Variants in AFF1 observed in about 807,000 individuals in gnomAD.
AFF1 encodes AF4/FMR2 family member 1.
AFF1 carries 48 observed loss-of-function variants against 121.7 expected under a neutral mutation model. The ratio of observed to expected loss-of-function variants is 0.39; its 90% confidence interval spans 0.31 to 0.50. The LOEUF (loss-of-function observed/expected upper bound fraction) is 0.50, where lower values mean the gene tolerates loss of function less well. Ranked by LOEUF, AFF1 falls within the 20% of genes least tolerant of loss-of-function variation. AFF1 has a pLI of 0.76. For missense variants in AFF1, 1,523 were observed against 1,511.7 expected (o/e 1.01, Z -0.12); for synonymous variants, 613 against 563.0 (o/e 1.09, Z -1.26).
At chr4:86,951,596 T>C (rs1721311835) in intron 2 of AFF1, among the ~76,000 whole-genome samples, 1 of 145,914 alleles carries the variant, frequency 6.9e-6, no homozygotes, top group African/African-American at 2.6e-5. Flanking sequence ...TAGGGAACTT[T>C]TTTTTCTTTT....
chr4:86,979,015 A>G (rs933084350), intron 2 of AFF1, among the ~76,000 whole-genome samples: 1 of 152,162 alleles, frequency 6.6e-6, no homozygotes, highest in Non-Finnish European at 1.5e-5. Flanking sequence ...AGTGTTCCCC[A>G]TTGAAAGTTT....
At chr4:86,946,733 T>C (rs1560493564) in intron 1 of AFF1, among the ~76,000 whole-genome samples, 1 of 152,090 alleles carries the variant, frequency 6.6e-6, no homozygotes, top group African/African-American at 2.4e-5. Context: ...TCAGGATACA[T>C]TTGTTGGTTC....
chr4:86,951,097 A>G (rs1029061717), intron 2 of AFF1, among the ~76,000 whole-genome samples: 8 of 152,350 alleles, frequency 5.3e-5, no homozygotes, highest in East Asian at 1.9e-4. Context: ...TTACATAACA[A>G]TCTTCTATCT....
At chr4:86,951,066 G>A (rs576706205) in intron 2 of AFF1, among the ~76,000 whole-genome samples, 1 of 152,164 alleles carries the variant, frequency 6.6e-6, no homozygotes, top group African/African-American at 2.4e-5. Context: ...AATTCTGAAA[G>A]AAATTATCTG....
chr4:87,047,855 T>G (rs113272992), intron 4 of AFF1: 10 of 551,722 alleles, frequency 1.8e-5, no homozygotes, highest in African/African-American at 1.3e-4. Flanking sequence ...CAGTAAAACA[T>G]AGAGATCATA....
At chr4:87,114,268 T>G in intron 11 of AFF1, 99 bp from the exon 12 acceptor site, 4 of 1,063,404 alleles carry the variant, frequency 3.8e-6, no homozygotes, top group Non-Finnish European at 5.2e-6. Context: ...AAGTATTTGC[T>G]CCTCTGCAGG....
intron 2 of AFF1, among the ~76,000 whole-genome samples, chr4:86,998,361 C>T (rs1725409781): frequency 6.6e-6 from 1 of 152,162 alleles, no homozygotes; most frequent in South Asian, 2.1e-4. Context: ...ACCCTTACCT[C>T]CTTCCTGGAA....
At chr4:86,995,342 C>G (rs946964833) in intron 2 of AFF1, among the ~76,000 whole-genome samples, 2 of 131,854 alleles carry the variant, frequency 1.5e-5, no homozygotes, top group Admixed American at 1.6e-4. Flanking sequence ...TCTCTTTCCA[C>G]GGTCTCCCTC....
intron 7 of AFF1, 150 bp downstream of exon 7, chr4:87,091,979 T>C (rs1253374711): frequency 3.0e-6 from 2 of 661,726 alleles, no homozygotes; most frequent in Admixed American, 6.9e-5. Context: ...AAAACTATTC[T>C]TTATGTGGGA....
In AFF1 at chr4:87,022,587, T is replaced by TATA. The variant is rs1560547424; in HGVS notation, c.39-23579_39-23578insATA. 1.3e-4 allele frequency among the ~76,000 whole-genome samples: 12 copies of TATA among 91,716 alleles called. 1 individual carries two copies. Among genetic ancestry groups the TATA allele is most frequent in the African/African-American group, 6.9e-4 (12 of 17,336 alleles). 60.2% of individuals were successfully genotyped at this position (91,716 alleles called of 152,430 possible). On this transcript the variant is annotated intron_variant, in intron 2 of 20. Coordinates refer to ENST00000395146, the MANE Select transcript of AFF1 (RefSeq NM_001166693.3). The stretch of plus-strand genomic sequence containing the variant: ...ATATATATATATATATATATATCTA[T>TATA]CTATATCTATCTGTGTGTATATATA...
chr4:86,992,731 C>A (rs1724823614), intron 2 of AFF1, among the ~76,000 whole-genome samples: 1 of 152,214 alleles, frequency 6.6e-6, no homozygotes, highest in Non-Finnish European at 1.5e-5. Flanking sequence ...ACCTGAAAAA[C>A]TCTGTTGCTA....
chr4:87,129,324 T>C (rs1167839403), intron 16 of AFF1, among the ~76,000 whole-genome samples: 1 of 152,266 alleles, frequency 6.6e-6, no homozygotes, highest in Non-Finnish European at 1.5e-5. Context: ...TTCTCTACGT[T>C]ATCTTCAACT....
At chr4:87,098,202 G>A (rs566705661) in intron 8 of AFF1, among the ~76,000 whole-genome samples, 1 of 152,288 alleles carries the variant, frequency 6.6e-6, no homozygotes, top group South Asian at 2.1e-4. Context: ...ATATGGTTAG[G>A]GGGTAGCAAC....
intron 2 of AFF1, among the ~76,000 whole-genome samples, chr4:86,985,803 G>GT (rs1176201975): frequency 1.3e-5 from 2 of 151,872 alleles, no homozygotes; most frequent in African/African-American, 4.8e-5. Context: ...ATTTATCCTA[G>GT]TTTTTTGAAT....
chr4:86,991,144 CAAAA>C (rs1232057157), intron 2 of AFF1, among the ~76,000 whole-genome samples: 1 of 148,466 alleles, frequency 6.7e-6, no homozygotes, highest in Non-Finnish European at 1.5e-5. Flanking sequence ...TGTCTCAAAA[CAAAA>C]AACAAAACAA....
At chr4:87,032,674 G>T (rs1239029281) in intron 2 of AFF1, among the ~76,000 whole-genome samples, 2 of 152,130 alleles carry the variant, frequency 1.3e-5, no homozygotes, top group African/African-American at 4.8e-5. Context: ...AATTGACAGT[G>T]GTTTCTCCTT....
At chr4:87,124,199 G>A (rs1727994192) in intron 12 of AFF1, among the ~76,000 whole-genome samples, 1 of 152,168 alleles carries the variant, frequency 6.6e-6, no homozygotes, top group South Asian at 2.1e-4. Context: ...TGGTATAAAT[G>A]GATGCTTTGA....
chr4:87,086,706 A>G lies in AFF1; in HGVS notation c.1104+2542A>G, dbSNP rs141125705. ...GGCTAGCGGATGATCTCCAGGGTCC[A>G]TTCCAGCTCTTACTCTTGACGCTGA... On this transcript the variant is annotated intron_variant, in intron 5 of 20. Transcript: ENST00000395146. Among the ~76,000 whole-genome samples the G allele has an allele frequency of 2.7e-4, 41 of 152,286 alleles. No homozygotes were observed. In the East Asian group the frequency reaches 7.1e-3, roughly 27 times the overall value.
chr4:87,113,570 A>C (rs903594107), intron 11 of AFF1, among the ~76,000 whole-genome samples: 14 of 152,176 alleles, frequency 9.2e-5, no homozygotes, highest in Non-Finnish European at 8.8e-5. Flanking sequence ...TATTGGTCGA[A>C]TGTTTGACTT....
Sources: gnomAD v4.1 joint callset for allele counts (sites outside exome capture counted in the v4.1 genomes callset) on GRCh38, gnomAD v4.1.1 for gene constraint, MANE v1.5 for transcripts, NCBI Gene and HGNC (gene_info 2026-07-23, HGNC 2026-07-21) for gene names.